SEMA3A: variants seen among roughly 807,000 people sequenced by gnomAD.
The protein encoded by SEMA3A is semaphorin 3A, also known as semaphorin-3A.
A neutral mutation model predicts 97.9 loss-of-function variants in SEMA3A; 29 were observed. The observed-to-expected ratio is 0.30, with a 90% CI of 0.22 to 0.40. The LOEUF (loss-of-function observed/expected upper bound fraction) is 0.40, where lower values mean the gene tolerates loss of function less well. Among genes scored for constraint, SEMA3A ranks in the 10% least tolerant of loss-of-function variants. The pLI is 1.00. For missense variants in SEMA3A, 763 were observed against 951.3 expected, an observed-to-expected ratio of 0.80 and a Z score of 2.60; for synonymous variants, 321 against 323.7, an observed-to-expected ratio of 0.99 and a Z score of 0.09.
At chr7:84,036,282 A>G (rs765494687) in intron 6 of SEMA3A, among the ~76,000 whole-genome samples, 1 of 152,176 alleles carries the variant, frequency 6.6e-6, no homozygotes, top group Non-Finnish European at 1.5e-5. Context: ...TAAGACTTCT[A>G]GGGTTTTTCA....
intron 3 of SEMA3A, among the ~76,000 whole-genome samples, chr7:84,304,737 C>T (rs1232818420): frequency 1.3e-5 from 2 of 151,948 alleles, no homozygotes; most frequent in East Asian, 3.9e-4. Context: ...GCGATCATAT[C>T]CCTACAAACC....
At position 84,064,256 on chromosome 7, in the gene SEMA3A, G is replaced by C. The variant is rs1164556929; in HGVS notation, c.454-3698C>G. Among the ~76,000 whole-genome samples, 27 of 152,108 alleles carry C rather than the reference G, an allele frequency of 1.8e-4. No individual in the cohort carries two copies. The East Asian group carries it at 4.3e-3, about 24-fold the overall frequency. ...TCACCACCAGGCCTGCCCTAAAAGAGCTCCTGAAGGAAGCACTAAACATGG... is the reference window on the plus strand; with the variant it reads ...TCACCACCAGGCCTGCCCTAAAAGACCTCCTGAAGGAAGCACTAAACATGG... On this transcript the variant is annotated intron_variant, in intron 4 of 16. Transcript: ENST00000265362.
intron 1 of SEMA3A, among the ~76,000 whole-genome samples, chr7:84,482,987 G>A (rs1806485584): frequency 6.6e-6 from 1 of 151,728 alleles, no homozygotes; most frequent in Non-Finnish European, 1.5e-5. Context: ...TTACTTGTAG[G>A]TGTAGTTTTT....
intron 1 of SEMA3A, among the ~76,000 whole-genome samples, chr7:84,143,603 C>A (rs922107733): frequency 1.1e-4 from 16 of 151,996 alleles, no homozygotes; most frequent in Middle Eastern, 3.4e-3. Context: ...AGCCTGTAAT[C>A]CCAGCACTTT....
At chr7:84,281,141 T>C (rs774643631) in intron 3 of SEMA3A, among the ~76,000 whole-genome samples, 5 of 152,180 alleles carry the variant, frequency 3.3e-5, no homozygotes, top group Non-Finnish European at 7.3e-5. Context: ...GAAAAGCAGT[T>C]TTAAAGCCAT....
At chr7:83,989,304 A>G (rs980363023) in intron 12 of SEMA3A, among the ~76,000 whole-genome samples, 1 of 152,180 alleles carries the variant, frequency 6.6e-6, no homozygotes, top group Non-Finnish European at 1.5e-5. Flanking sequence ...AAAAAAATCT[A>G]TAAGGTAGAT....
At position 84,064,491 on chromosome 7, in the gene SEMA3A, C is replaced by A. The variant is rs1409765491; in HGVS notation, c.454-3933G>T. Among the ~76,000 whole-genome samples the A allele has an allele frequency of 2.0e-5, 3 of 152,106 alleles. No homozygotes were observed. The East Asian group carries it at 5.8e-4, about 29-fold the overall frequency. Reference sequence around the variant, plus strand: ...CAGACTGGCAAATTGGATAAAGAGTCAAGAGCCATCAGTGTGCTGTACTCA... The same window carrying A: ...CAGACTGGCAAATTGGATAAAGAGTAAAGAGCCATCAGTGTGCTGTACTCA... On this transcript the variant is annotated intron_variant, in intron 4 of 16. Coordinates refer to ENST00000265362, the MANE Select transcript of SEMA3A (RefSeq NM_006080.3).
intron 1 of SEMA3A, among the ~76,000 whole-genome samples, chr7:84,404,492 T>A (rs62474864): frequency 0.11 from 17,046 of 152,150 alleles, 1,199 homozygotes; most frequent in East Asian, 0.28. Context: ...CCAGGAGAAC[T>A]TCCCCAATCT....
intron 4 of SEMA3A, among the ~76,000 whole-genome samples, chr7:84,098,368 T>A (rs1794842682): frequency 6.6e-6 from 1 of 152,092 alleles, no homozygotes; most frequent in Admixed American, 6.6e-5. Flanking sequence ...TTTTCTTTGA[T>A]TGTAAAACAT....
At chr7:84,144,792 ACTT>A (rs936011426) in intron 1 of SEMA3A, among the ~76,000 whole-genome samples, 1 of 152,110 alleles carries the variant, frequency 6.6e-6, no homozygotes, top group Non-Finnish European at 1.5e-5. Flanking sequence ...AACAATAACA[ACTT>A]CTTAATAATG....
Position 84,002,056 on chromosome 7 carries a change from A to G in SEMA3A, c.1361-10T>C. 2 of 1,540,614 alleles carry G rather than the reference A, an allele frequency of 1.3e-6. No homozygotes were observed. The highest frequency in any genetic ancestry group is 9.0e-7 in the Non-Finnish European group (1 of 1,115,854). Reference sequence around the variant, plus strand: ...AGAACGGTCCCAACATCTTTGAAAGAAAGTGGGGAGAAGACCACAAGTTAA... The same window carrying G: ...AGAACGGTCCCAACATCTTTGAAAGGAAGTGGGGAGAAGACCACAAGTTAA... On this transcript the variant is annotated splice_polypyrimidine_tract_variant and intron_variant, in intron 11 of 16. Coordinates refer to ENST00000265362, the MANE Select transcript of SEMA3A (RefSeq NM_006080.3).
At chr7:84,002,342 T>C (rs1790493471) in intron 11 of SEMA3A, among the ~76,000 whole-genome samples, 1 of 152,188 alleles carries the variant, frequency 6.6e-6, no homozygotes, top group Admixed American at 6.5e-5. Flanking sequence ...TTTTAAAATA[T>C]AATAATTATT....
chr7:84,409,884 T>C (rs1399916667), intron 1 of SEMA3A, among the ~76,000 whole-genome samples: 2 of 152,108 alleles, frequency 1.3e-5, no homozygotes, highest in Non-Finnish European at 2.9e-5. Flanking sequence ...TGCATTGCTT[T>C]CCACGTTTCT....
chr7:84,393,254 C>T (rs1803633564), intron 1 of SEMA3A, among the ~76,000 whole-genome samples: 3 of 152,016 alleles, frequency 2.0e-5, no homozygotes, highest in South Asian at 4.1e-4. Context: ...AATTTCATTC[C>T]TTTGCATAAG....
intron 3 of SEMA3A, among the ~76,000 whole-genome samples, chr7:84,200,169 A>AT (rs934770703): frequency 4.6e-5 from 7 of 151,928 alleles, no homozygotes; most frequent in African/African-American, 1.7e-4. Context: ...AAAAAAAAAA[A>AT]GTTTTGTGTT....
chr7:84,356,698 C>G (rs1485423818), intron 2 of SEMA3A, among the ~76,000 whole-genome samples: 1 of 151,706 alleles, frequency 6.6e-6, no homozygotes, highest in Non-Finnish European at 1.5e-5. Context: ...TTGGTACATA[C>G]TAGGAAGTCT....
intron 3 of SEMA3A, among the ~76,000 whole-genome samples, chr7:84,240,747 C>T (rs1799340426): frequency 6.6e-6 from 1 of 152,072 alleles, no homozygotes; most frequent in East Asian, 1.9e-4. Context: ...CTAATGCTAG[C>T]CCCCTCTAGC....
At chr7:84,162,608 T>A (rs776895888) in intron 1 of SEMA3A, among the ~76,000 whole-genome samples, 2 of 152,100 alleles carry the variant, frequency 1.3e-5, no homozygotes, top group African/African-American at 2.4e-5. Context: ...AAAATAGATA[T>A]GATTTGCTTA....
intron 10 of SEMA3A, 57 bp from the exon 11 acceptor site, chr7:84,005,615 A>AATT: frequency 8.5e-7 from 1 of 1,178,202 alleles, no homozygotes; most frequent in South Asian, 1.4e-5. Flanking sequence ...CATAATTATA[A>AATT]ATTATATAAT....
Sources: gnomAD v4.1 joint callset for allele counts (sites outside exome capture counted in the v4.1 genomes callset) on GRCh38, gnomAD v4.1.1 for gene constraint, MANE v1.5 for transcripts, NCBI Gene and HGNC (gene_info 2026-07-23, HGNC 2026-07-21) for gene names.